TTC21A: variants seen among roughly 807,000 people sequenced by gnomAD.
TTC21A encodes the protein tetratricopeptide repeat domain 21A.
In TTC21A, 128 loss-of-function variants were observed where a neutral mutation model predicts 156.4. The ratio of observed to expected loss-of-function variants is 0.82; its 90% CI spans 0.71 to 0.95. The LOEUF (loss-of-function observed/expected upper bound fraction) is 0.95, where lower values mean the gene tolerates loss of function less well. Ranked by LOEUF, TTC21A falls within the 40% of genes least tolerant of loss-of-function variation. The pLI is 0.00. For missense variants in TTC21A, 1,435 were observed against 1,602.3 expected (o/e 0.90, Z 1.78); for synonymous variants, 587 against 617.1 (o/e 0.95, Z 0.72).
chr3:39,108,572 A>G (rs2125728661), intron 1 of TTC21A, among the ~76,000 whole-genome samples: 1 of 152,276 alleles, frequency 6.6e-6, no homozygotes, highest in East Asian at 1.9e-4. Context: ...CAGTCCAACC[A>G]CATCTGCTCC....
intron 6 of TTC21A, among the ~76,000 whole-genome samples, chr3:39,116,893 A>T (rs2037339239): frequency 6.6e-6 from 1 of 152,184 alleles, no homozygotes; most frequent in Non-Finnish European, 1.5e-5. Context: ...TAATTGGTAG[A>T]GATGGGATCT....
chr3:39,116,009 C>T (rs1245511440), intron 6 of TTC21A, among the ~76,000 whole-genome samples: 2 of 152,264 alleles, frequency 1.3e-5, no homozygotes, highest in East Asian at 1.9e-4. Context: ...TTCCCTCTCT[C>T]GCAGTGTAAA....
Position 39,120,261 on chromosome 3 carries a change from C to T in TTC21A, c.900+241C>T, listed in dbSNP as rs140290739. Among the ~76,000 whole-genome samples the T allele has an allele frequency of 9.1e-4, 138 of 152,218 alleles. 1 individual carries two copies. The highest frequency in any genetic ancestry group is 3.2e-3 in the African/African-American group (134 of 41,540). ...AGAGATGCCATGAAGATCAGGGAGA[C>T]GGGGTCTGAAAGTGCTTTTGGAGTG... On this transcript the variant is annotated intron_variant, in intron 8 of 28. Transcript: ENST00000683103.
intron 21 of TTC21A, 26 bp from the exon 22 acceptor site, chr3:39,135,067 C>G: frequency 6.3e-7 from 1 of 1,576,006 alleles, no homozygotes; most frequent in Non-Finnish European, 8.7e-7. Context: ...GTTGGGAAAT[C>G]TGGAGCTTTG....
chr3:39,132,041 A>G (rs2038766581), intron 19 of TTC21A, among the ~76,000 whole-genome samples: 1 of 152,116 alleles, frequency 6.6e-6, no homozygotes, highest in South Asian at 2.1e-4. Flanking sequence ...CCCAGATGAT[A>G]TAGCTGACTT....
rs1182639075 is a variant in TTC21A, at chr3:39,137,225, G to A, written c.3288G>A (p.Gln1096=). The change falls in exon 25 of 29, where the codon CAG becomes CAA. Residue 1096 remains glutamine, a synonymous_variant. Transcript: ENST00000683103. ...TGGAGAAGAAGGAGTTGGAGCAGCA[G>A]GGTGTGAGCACCGCCGAGAAACTGC... ...NYMEKKELEQ[Q]GVSTAEKLLR... The A allele has an allele frequency of 6.2e-7, 1 of 1,614,018 alleles. No individual in the cohort carries two copies. The highest frequency in any genetic ancestry group is 1.1e-5 in the South Asian group (1 of 91,074).
intron 7 of TTC21A, 140 bp from the exon 8 acceptor site, chr3:39,119,782 G>T: frequency 1.5e-6 from 1 of 649,924 alleles, no homozygotes; most frequent in South Asian, 1.9e-5. Flanking sequence ...ACTTAAATCT[G>T]AATTTCTGGG....
chr3:39,121,187 C>T lies in TTC21A; in HGVS notation c.1091C>T (p.Thr364Ile), dbSNP rs374496008. Residue 364 changes from threonine (T) to isoleucine (I), a missense_variant and splice_region_variant, in exon 9 of 29, where the codon ACA becomes ATA. Coordinates refer to ENST00000683103, the MANE Select transcript of TTC21A (RefSeq NM_001366900.1). ...GACAAGGATGGCATGGCTGGTTTGA[C>T]AGGTATATGCAGGTGTGGCAGGGCT... ...KLDKDGMAGL[T>I]GIILCHILEG... is the part of the protein sequence containing the mutation. 6 of 1,609,670 alleles carry T rather than the reference C, an allele frequency of 3.7e-6. No individual in the cohort carries two copies. The African/African-American group carries it at 8.0e-5, about 22-fold the overall frequency.
intron 11 of TTC21A, 98 bp downstream of exon 11, chr3:39,125,630 C>A: frequency 1.1e-6 from 1 of 910,038 alleles, no homozygotes; most frequent in Non-Finnish European, 1.8e-6. Context: ...TGGCCAGTCA[C>A]AAGTAAGGAT....
Position 39,137,671 on chromosome 3 carries a change from C to T in TTC21A, c.3636C>T (p.Leu1212=), listed in dbSNP as rs373405962. The T allele has an allele frequency of 7.4e-5, 120 of 1,613,918 alleles. 2 individuals carry two copies. In the Middle Eastern group the frequency reaches 8.3e-4, roughly 11 times the overall value. ...ACTGCCAGGGCAGCAAGTTCGACCT[C>T]GCCTTAGAACTGCTGCGGCGCTGTG... ...DIYCQGSKFD[L]ALELLRRCVQ... Residue 1212 remains leucine, a synonymous_variant, in exon 26 of 29, where the codon CTC becomes CTT. Coordinates refer to ENST00000683103, the MANE Select transcript of TTC21A (RefSeq NM_001366900.1).
chr3:39,124,845 C>A (rs1323677297), intron 9 of TTC21A, among the ~76,000 whole-genome samples: 1 of 152,082 alleles, frequency 6.6e-6, no homozygotes, highest in African/African-American at 2.4e-5. Flanking sequence ...GACATTGTTA[C>A]AGCCAGAACA....
intron 6 of TTC21A, among the ~76,000 whole-genome samples, chr3:39,116,939 T>C (rs2125778156): frequency 6.6e-6 from 1 of 152,332 alleles, no homozygotes; most frequent in East Asian, 1.9e-4. Flanking sequence ...ACTCCTGGCC[T>C]TAAGCAATCC....
intron 4 of TTC21A, 146 bp downstream of exon 4, chr3:39,111,163 C>T: frequency 1.2e-6 from 1 of 814,726 alleles, no homozygotes; most frequent in Non-Finnish European, 1.9e-6. Flanking sequence ...TCACAGTTGC[C>T]CCACGCGTGT....
At chr3:39,120,056 T>A (rs776143741) in intron 8 of TTC21A, 36 bp downstream of exon 8, 1 of 1,437,856 alleles carries the variant, frequency 7.0e-7, no homozygotes, top group Non-Finnish European at 9.8e-7. Context: ...AAATGGTGCT[T>A]CTCCCTGCTT....
intron 4 of TTC21A, among the ~76,000 whole-genome samples, chr3:39,112,018 G>A (rs920997041): frequency 1.2e-4 from 18 of 152,164 alleles, no homozygotes; most frequent in African/African-American, 3.9e-4. Flanking sequence ...TCCTATGCAG[G>A]GCCAGGCCTC....
intron 20 of TTC21A, 110 bp downstream of exon 20, chr3:39,133,350 G>C: frequency 8.7e-7 from 1 of 1,145,040 alleles, no homozygotes. Context: ...TCCCTGAGGA[G>C]TCACAGATAT....
At chr3:39,111,302 T>C (rs980765722) in intron 4 of TTC21A, among the ~76,000 whole-genome samples, 1 of 152,174 alleles carries the variant, frequency 6.6e-6, no homozygotes, top group African/African-American at 2.4e-5. Flanking sequence ...AGCCTCAACC[T>C]CCTAGGCACA....
Position 39,136,653 on chromosome 3 carries a change from G to C in TTC21A, c.3095+146G>C. ...GCAAGTGAGGGCCCATGGGGGCAGG[G>C]GTGGAACCCTGTGGAAGTCAGGGAG... On this transcript the variant is annotated intron_variant, in intron 23 of 28. Coordinates refer to ENST00000683103, the MANE Select transcript of TTC21A (RefSeq NM_001366900.1). The C allele has an allele frequency of 3.5e-6, 4 of 1,143,118 alleles. No homozygotes were observed. In the South Asian group the frequency reaches 6.2e-5, roughly 18 times the overall value. The allele number at this position is 1,143,118 out of a possible 1,614,324, so 70.8% of individuals were successfully genotyped here.
In TTC21A at chr3:39,128,373, A is replaced by T; in HGVS notation, c.1565A>T (p.Glu522Val). 1 of 1,614,170 alleles carries T rather than the reference A, an allele frequency of 6.2e-7. No individual in the cohort carries two copies. Among genetic ancestry groups the T allele is most frequent in the Non-Finnish European group, 8.5e-7 (1 of 1,180,036 alleles). ...CAGAGCATCCTGCAGCGTTGCCTGG[A>T]GCTGGACCCCGCCTCCGTGGATGCC... ...NAQSILQRCL[E>V]LDPASVDAHL... is the part of the protein sequence containing the mutation. Residue 522 changes from glutamate to valine, a missense_variant, in exon 13 of 29, where the codon GAG becomes GTG. Glu to Val is a moderately radical substitution (Grantham distance 121, BLOSUM62 -2). Coordinates refer to ENST00000683103, the MANE Select transcript of TTC21A (RefSeq NM_001366900.1).
Sources: allele counts gnomAD v4.1 joint callset (sites outside exome capture counted in the v4.1 genomes callset), GRCh38; gene constraint gnomAD v4.1.1; transcripts MANE v1.5; gene names NCBI Gene and HGNC (gene_info 2026-07-23, HGNC 2026-07-21).